Variants in ZBTB20 observed in about 807,000 individuals in gnomAD.
ZBTB20 encodes the protein zinc finger and BTB domain-containing protein 20.
A neutral mutation model predicts 56.9 loss-of-function variants in ZBTB20; 9 were observed. The ratio of observed to expected loss-of-function variants is 0.16; its 90% CI spans 0.10 to 0.28. ZBTB20 has a LOEUF of 0.28. Ranked by LOEUF, ZBTB20 falls within the 10% of genes least tolerant of loss-of-function variation. The pLI is 1.00. For missense variants in ZBTB20, 655 were observed against 1,003.0 expected (o/e 0.65, Z 4.69); for synonymous variants, 417 against 420.7 (o/e 0.99, Z 0.11).
At chr3:114,774,437 G>C (rs1475293460) in intron 5 of ZBTB20, among the ~76,000 whole-genome samples, 1 of 152,192 alleles carries the variant, frequency 6.6e-6, no homozygotes, top group African/African-American at 2.4e-5. Flanking sequence ...ATGCAGGATA[G>C]AAATGGCCAC....
intron 6 of ZBTB20, among the ~76,000 whole-genome samples, chr3:114,595,056 C>CT (rs35196619): frequency 8.6e-5 from 13 of 152,038 alleles, no homozygotes; most frequent in Non-Finnish European, 1.8e-4. Context: ...CTTCATGCTT[C>CT]TTTTTTCATT....
intron 2 of ZBTB20, among the ~76,000 whole-genome samples, chr3:115,017,916 G>C (rs1388084915): frequency 6.6e-6 from 1 of 151,478 alleles, no homozygotes; most frequent in Non-Finnish European, 1.5e-5. Flanking sequence ...TTTACTTTCA[G>C]ATAATGTTAC....
At chr3:115,105,001 A>G (rs1247142063) in intron 1 of ZBTB20, among the ~76,000 whole-genome samples, 1 of 152,202 alleles carries the variant, frequency 6.6e-6, no homozygotes, top group Non-Finnish European at 1.5e-5. Context: ...CATCGATTTT[A>G]CTATGAAACT....
At chr3:115,076,621 A>G (rs2082605180) in intron 1 of ZBTB20, among the ~76,000 whole-genome samples, 1 of 152,224 alleles carries the variant, frequency 6.6e-6, no homozygotes, top group African/African-American at 2.4e-5. Context: ...AAAGCTTCAT[A>G]ACATTCATCA....
chr3:114,724,465 A>G (rs2065134425), intron 5 of ZBTB20, among the ~76,000 whole-genome samples: 1 of 152,180 alleles, frequency 6.6e-6, no homozygotes, highest in Non-Finnish European at 1.5e-5. Flanking sequence ...CAGAATTTAG[A>G]AGACTTTATT....
intron 2 of ZBTB20, among the ~76,000 whole-genome samples, chr3:115,001,484 C>A (rs771918272): frequency 6.7e-6 from 1 of 150,054 alleles, no homozygotes; most frequent in Admixed American, 6.7e-5. Flanking sequence ...GAATTGGGAA[C>A]CATGTGGAAG....
chr3:114,882,295 A>C (rs989080445), intron 4 of ZBTB20, among the ~76,000 whole-genome samples: 9 of 152,046 alleles, frequency 5.9e-5, no homozygotes, highest in African/African-American at 1.9e-4. Flanking sequence ...AAAATTTGCT[A>C]AAGCCCAGTA....
chr3:114,360,543 G>A (rs201558843), intron 10 of ZBTB20, among the ~76,000 whole-genome samples: 1 of 150,446 alleles, frequency 6.6e-6, no homozygotes, highest in Admixed American at 6.6e-5. Flanking sequence ...TAGTAGAGAC[G>A]GTTTTCACTA....
intron 5 of ZBTB20, among the ~76,000 whole-genome samples, chr3:114,787,366 T>TATATATATATATATATACACAC (rs1278656494): frequency 1.2e-5 from 1 of 82,900 alleles, no homozygotes; most frequent in African/African-American, 5.3e-5. Flanking sequence ...TATATATATA[T>TATATATATATATATATACACAC]ATACACACAC....
chr3:114,985,339 G>C (rs2078492191), intron 2 of ZBTB20, among the ~76,000 whole-genome samples: 1 of 151,992 alleles, frequency 6.6e-6, no homozygotes, highest in South Asian at 2.1e-4. Context: ...TTGAATCCTA[G>C]GATGAAAAAT....
intron 7 of ZBTB20, among the ~76,000 whole-genome samples, chr3:114,470,409 T>A (rs2039993814): frequency 6.6e-6 from 1 of 152,104 alleles, no homozygotes; most frequent in Non-Finnish European, 1.5e-5. Flanking sequence ...TAGTAGTTAG[T>A]TTTTTATTTG....
At chr3:114,737,095 A>T (rs1249880801) in intron 5 of ZBTB20, among the ~76,000 whole-genome samples, 1 of 152,186 alleles carries the variant, frequency 6.6e-6, no homozygotes, top group East Asian at 1.9e-4. Context: ...ATATTTTAAG[A>T]GCCAAAGTTA....
chr3:114,377,172 C>T (rs2083740247), intron 10 of ZBTB20, among the ~76,000 whole-genome samples: 1 of 152,100 alleles, frequency 6.6e-6, no homozygotes, highest in African/African-American at 2.4e-5. Context: ...CTTCAGATTC[C>T]ATAACTCATC....
At chr3:114,797,257 A>C (rs2071394502) in intron 5 of ZBTB20, among the ~76,000 whole-genome samples, 1 of 151,596 alleles carries the variant, frequency 6.6e-6, no homozygotes, top group Non-Finnish European at 1.5e-5. Context: ...AGTATATGTG[A>C]TCTTTTAAAC....
chr3:114,706,400 T>G (rs367656750), intron 5 of ZBTB20, among the ~76,000 whole-genome samples: 1 of 152,202 alleles, frequency 6.6e-6, no homozygotes, highest in African/African-American at 2.4e-5. Context: ...GTACTTTTTA[T>G]GCTTTTTTAA....
chr3:114,320,216 C>A lies in ZBTB20; in HGVS notation c.*18789G>T, dbSNP rs1248379763. 6.6e-6 allele frequency: 1 copy of A among 152,000 alleles called. No homozygotes were observed. The highest frequency in any genetic ancestry group is 2.4e-5 in the African/African-American group (1 of 41,382). The allele number at this position is 152,000 out of a possible 1,614,324, so 9.4% of individuals were successfully genotyped here. A position where few individuals can be genotyped will look rare whatever the true frequency, so the allele number is the denominator to read the frequency against. On this transcript the variant is annotated 3_prime_UTR_variant, in exon 12 of 12. Transcript: ENST00000675478. ...ATATTTTTTTCATAGCTGTTTTCCC[C>A]TGTTGCTTATTTGCTGTTTTTTTCC...
intron 6 of ZBTB20, among the ~76,000 whole-genome samples, chr3:114,676,877 C>T (rs1370937993): frequency 2.0e-5 from 3 of 150,440 alleles, no homozygotes; most frequent in East Asian, 2.0e-4. Flanking sequence ...CTGGTTCAAG[C>T]GATTCTCCTG....
At chr3:114,509,716 G>A (rs2045109429) in intron 6 of ZBTB20, among the ~76,000 whole-genome samples, 1 of 152,074 alleles carries the variant, frequency 6.6e-6, no homozygotes, top group Admixed American at 6.6e-5. Flanking sequence ...AACCCCAAAT[G>A]GTTTGCACTG....
At chr3:114,420,050 C>G (rs2088994303) in intron 7 of ZBTB20, among the ~76,000 whole-genome samples, 1 of 152,098 alleles carries the variant, frequency 6.6e-6, no homozygotes, top group South Asian at 2.1e-4. Flanking sequence ...TCCTTGTAAA[C>G]TTAAAAAGAG....
Sources: gnomAD v4.1 joint callset for allele counts (sites outside exome capture counted in the v4.1 genomes callset) on GRCh38, gnomAD v4.1.1 for gene constraint, MANE v1.5 for transcripts, NCBI Gene and HGNC (gene_info 2026-07-23, HGNC 2026-07-21) for gene names.